DIP2C: variants seen among roughly 807,000 people sequenced by gnomAD.
The protein encoded by DIP2C is DIP2 acetate--CoA ligase C (putative).
Under a neutral mutation model 192.4 loss-of-function variants are expected in DIP2C, and 33 were observed. The ratio of observed to expected loss-of-function variants is 0.17; its 90% CI spans 0.13 to 0.23. The LOEUF (loss-of-function observed/expected upper bound fraction) is 0.23. Ranked by LOEUF, DIP2C falls within the 10% of genes least tolerant of loss-of-function variation. The pLI is 1.00. For missense variants in DIP2C, 1,537 were observed against 2,110.1 expected (o/e 0.73, Z 5.32); for synonymous variants, 979 against 864.1 (o/e 1.13, Z -2.33).
At chr10:538,179 A>T (rs1338538130) in intron 1 of DIP2C, among the ~76,000 whole-genome samples, 1 of 152,088 alleles carries the variant, frequency 6.6e-6, no homozygotes, top group Non-Finnish European at 1.5e-5. Context: ...TTTCTTTGGG[A>T]CAGGGTCTTG....
chr10:392,066 G>T (rs185871483), intron 10 of DIP2C, among the ~76,000 whole-genome samples: 42 of 152,326 alleles, frequency 2.8e-4, no homozygotes, highest in South Asian at 1.7e-3. Context: ...CGGACAGATG[G>T]AACCCACTTC....
At chr10:298,947 A>G (rs1955886483) in intron 32 of DIP2C, among the ~76,000 whole-genome samples, 1 of 152,278 alleles carries the variant, frequency 6.6e-6, no homozygotes, top group African/African-American at 2.4e-5. Flanking sequence ...GAGTAAGACT[A>G]GAAAGACTTG....
intron 1 of DIP2C, among the ~76,000 whole-genome samples, chr10:584,611 G>A (rs1466899435): frequency 6.9e-5 from 6 of 87,384 alleles, no homozygotes; most frequent in African/African-American, 1.5e-4. Flanking sequence ...TCTCAATCTC[G>A]GGGCCCGCGA....
Position 348,460 on chromosome 10 carries a change from C to T in DIP2C, c.3231+181G>A, listed in dbSNP as rs553115007. Among the ~76,000 whole-genome samples, 5 of 152,164 alleles carry T rather than the reference C, an allele frequency of 3.3e-5. No individual in the cohort carries two copies. In the South Asian group the frequency reaches 1.0e-3, roughly 31 times the overall value. ...TCTGCCTCCACACACGTTTACATCT[C>T]GCTTCTAGACCTAGACTCTAGGCTC... On this transcript the variant is annotated intron_variant, in intron 26 of 36. Transcript: ENST00000280886.
intron 1 of DIP2C, among the ~76,000 whole-genome samples, chr10:535,544 A>G (rs1461463483): frequency 6.6e-6 from 1 of 151,936 alleles, no homozygotes; most frequent in Non-Finnish European, 1.5e-5. Context: ...TTTTACCTTA[A>G]GCTAAAAATG....
At chr10:413,411 C>T (rs573945151) in intron 8 of DIP2C, among the ~76,000 whole-genome samples, 2 of 152,360 alleles carry the variant, frequency 1.3e-5, no homozygotes, top group South Asian at 4.1e-4. Flanking sequence ...AACTACCAAT[C>T]TTTGCTGAAA....
chr10:537,576 C>T (rs1489517649), intron 1 of DIP2C, among the ~76,000 whole-genome samples: 1 of 151,986 alleles, frequency 6.6e-6, no homozygotes, highest in African/African-American at 2.4e-5. Flanking sequence ...TCCCCCTCCC[C>T]CGCACACTTG....
At position 562,293 on chromosome 10, in the gene DIP2C, T is replaced by C. The variant is rs1185148276; in HGVS notation, c.86-75763A>G. ...AAACTTTAAGCAGCAATAATTTCCC[T>C]GTCTGGAAAATTGAGCTCACTTGAG... On this transcript the variant is annotated intron_variant, in intron 1 of 36. Coordinates refer to ENST00000280886, the MANE Select transcript of DIP2C (RefSeq NM_014974.3). Among the ~76,000 whole-genome samples, 10 of 152,366 alleles carry C rather than the reference T, an allele frequency of 6.6e-5. 1 individual carries two copies. Among genetic ancestry groups the C allele is most frequent in the Admixed American group, 5.2e-4 (8 of 15,312 alleles).
intron 31 of DIP2C, among the ~76,000 whole-genome samples, chr10:311,935 G>A (rs983672211): frequency 1.3e-5 from 2 of 152,098 alleles, no homozygotes; most frequent in African/African-American, 4.8e-5. Context: ...TGAGGGACGC[G>A]GGAGTGCAAG....
At chr10:684,294 A>G (rs181939442) in intron 1 of DIP2C, among the ~76,000 whole-genome samples, 17 of 152,332 alleles carry the variant, frequency 1.1e-4, no homozygotes, top group Admixed American at 1.1e-3. Context: ...GCAGGTAGCC[A>G]TCTCATTCAG....
At chr10:345,353 C>T (rs569483577) in intron 26 of DIP2C, among the ~76,000 whole-genome samples, 2 of 5,962 alleles carry the variant, frequency 3.4e-4, no homozygotes, top group South Asian at 0.25. Context: ...AGTGCATCCA[C>T]AGCGTTGTGA....
intron 17 of DIP2C, among the ~76,000 whole-genome samples, chr10:371,349 C>T (rs1960932103): frequency 6.6e-6 from 1 of 152,192 alleles, no homozygotes; most frequent in African/African-American, 2.4e-5. Context: ...GCTGTTCAGA[C>T]ACAGATGCCC....
intron 1 of DIP2C, among the ~76,000 whole-genome samples, chr10:649,228 C>T (rs1443381966): frequency 4.0e-5 from 6 of 149,790 alleles, no homozygotes; most frequent in South Asian, 2.1e-4. Context: ...ACTGAGTCCA[C>T]GTCCACATTT....
At chr10:497,148 C>T (rs200313368) in intron 1 of DIP2C, among the ~76,000 whole-genome samples, 1 of 151,992 alleles carries the variant, frequency 6.6e-6, no homozygotes, top group East Asian at 1.9e-4. Flanking sequence ...CAATCAATCT[C>T]TACCTTACTC....
chr10:506,773 G>A (rs577074931), intron 1 of DIP2C, among the ~76,000 whole-genome samples: 7 of 152,206 alleles, frequency 4.6e-5, no homozygotes, highest in Non-Finnish European at 7.3e-5. Flanking sequence ...AGCGAGCCAC[G>A]CAACGTTCCC....
intron 16 of DIP2C, among the ~76,000 whole-genome samples, chr10:383,435 G>A (rs1962561118): frequency 6.6e-6 from 1 of 152,132 alleles, no homozygotes; most frequent in African/African-American, 2.4e-5. Flanking sequence ...ACAAAAGCAT[G>A]CTAGCTAGGT....
intron 3 of DIP2C, among the ~76,000 whole-genome samples, chr10:456,755 G>C (rs905913315): frequency 2.6e-5 from 4 of 152,198 alleles, no homozygotes; most frequent in Non-Finnish European, 5.9e-5. Flanking sequence ...AGGGCCATCT[G>C]TGTTCCCTTC....
chr10:520,696 C>T (rs763109395), intron 1 of DIP2C, among the ~76,000 whole-genome samples: 2 of 152,240 alleles, frequency 1.3e-5, no homozygotes, highest in Non-Finnish European at 2.9e-5. Context: ...TCGTCTTCTG[C>T]TGCTGTCAAC....
chr10:687,108 A>T (rs1391506013), intron 1 of DIP2C, among the ~76,000 whole-genome samples: 1 of 152,268 alleles, frequency 6.6e-6, no homozygotes, highest in African/African-American at 2.4e-5. Flanking sequence ...AAGATGGGAA[A>T]TAATTCAGCA....
Sources: allele counts gnomAD v4.1 joint callset (sites outside exome capture counted in the v4.1 genomes callset), GRCh38; gene constraint gnomAD v4.1.1; transcripts MANE v1.5; gene names NCBI Gene and HGNC (gene_info 2026-07-23, HGNC 2026-07-21).